The following OPCML variants were observed in gnomAD, a reference collection of about 807,000 sequenced individuals.
OPCML encodes the protein opioid-binding protein/cell adhesion molecule.
OPCML carries 13 observed loss-of-function variants against 37.8 expected under a neutral mutation model. The ratio of observed to expected loss-of-function variants is 0.34; its 90% confidence interval spans 0.22 to 0.55. OPCML has a LOEUF of 0.55. OPCML is among the 20% of genes least tolerant of loss of function. OPCML has a pLI of 0.91. For missense variants in OPCML, 341 were observed against 435.6 expected, an observed-to-expected ratio of 0.78 and a Z score of 1.93; for synonymous variants, 176 against 168.8, an observed-to-expected ratio of 1.04 and a Z score of -0.33.
chr11:133,007,758 C>G, intron 1 of OPCML: 9 of 985,376 alleles, frequency 9.1e-6, no homozygotes, highest in Non-Finnish European at 9.6e-6. Context: ...GGTGAAAAGA[C>G]GCAGGCATAG....
intron 3 of OPCML, among the ~76,000 whole-genome samples, chr11:132,646,676 A>C (rs1190342135): frequency 1.3e-5 from 2 of 152,198 alleles, no homozygotes; most frequent in Non-Finnish European, 2.9e-5. Context: ...AAAGAGAAAA[A>C]GAGTCAAAGC....
intron 3 of OPCML, among the ~76,000 whole-genome samples, chr11:132,584,146 G>T (rs1479306548): frequency 6.6e-6 from 1 of 151,990 alleles, no homozygotes; most frequent in Admixed American, 6.6e-5. Context: ...TGTGGCTAAA[G>T]AACAAAATGA....
intron 1 of OPCML, among the ~76,000 whole-genome samples, chr11:132,957,703 A>T (rs1301653523): frequency 6.6e-6 from 1 of 152,138 alleles, no homozygotes; most frequent in African/African-American, 2.4e-5. Flanking sequence ...ACATTTTGGT[A>T]ACTATTGCAA....
intron 1 of OPCML, among the ~76,000 whole-genome samples, chr11:133,175,330 T>TA (rs1484884312): frequency 1.1e-4 from 16 of 152,120 alleles, no homozygotes; most frequent in African/African-American, 3.6e-4. Flanking sequence ...CCATGAGTAA[T>TA]AACAGTGCCT....
At chr11:133,397,750 T>C (rs1466739607) in intron 1 of OPCML, among the ~76,000 whole-genome samples, 3 of 152,218 alleles carry the variant, frequency 2.0e-5, no homozygotes, top group Admixed American at 1.3e-4. Flanking sequence ...TAGTGTGGGG[T>C]TGCAATTGAC....
chr11:132,845,091 G>T (rs1431219786), intron 2 of OPCML, among the ~76,000 whole-genome samples: 1 of 152,062 alleles, frequency 6.6e-6, no homozygotes, highest in African/African-American at 2.4e-5. Flanking sequence ...TGGGACCAAG[G>T]TATGTGGGGA....
intron 1 of OPCML, among the ~76,000 whole-genome samples, chr11:133,281,163 A>C (rs1942143213): frequency 1.3e-5 from 2 of 152,074 alleles, no homozygotes; most frequent in Non-Finnish European, 2.9e-5. Context: ...AAAGAGACAA[A>C]CCATGGGTCC....
rs2095948188 is a variant in OPCML, at chr11:132,419,018, T to C, written c.*1175A>G. The C allele has an allele frequency of 6.5e-6, 1 of 152,682 alleles. No individual in the cohort carries two copies. The highest frequency in any genetic ancestry group is 2.4e-5 in the African/African-American group (1 of 41,466). 9.5% of individuals were successfully genotyped at this position (152,682 alleles called of 1,614,324 possible). On this transcript the variant is annotated 3_prime_UTR_variant, in exon 8 of 8. Transcript: ENST00000524381. Reference sequence around the variant, plus strand: ...CTTGCTACTTTGGCCTATCTGTTAGTGTCTCCCTTGGGTGGATAGGATACC... The same window carrying C: ...CTTGCTACTTTGGCCTATCTGTTAGCGTCTCCCTTGGGTGGATAGGATACC...
intron 1 of OPCML, among the ~76,000 whole-genome samples, chr11:133,463,800 T>A (rs894550556): frequency 6.6e-6 from 1 of 152,042 alleles, no homozygotes; most frequent in African/African-American, 2.4e-5. Context: ...AATTAAATGA[T>A]CAAATACAAT....
At chr11:133,129,729 C>T (rs1042591745) in intron 1 of OPCML, among the ~76,000 whole-genome samples, 2 of 151,978 alleles carry the variant, frequency 1.3e-5, no homozygotes, top group African/African-American at 2.4e-5. Flanking sequence ...ATAGCAAGAA[C>T]CCATCTCTAC....
At chr11:133,094,361 G>A (rs938649525) in intron 1 of OPCML, among the ~76,000 whole-genome samples, 2 of 152,118 alleles carry the variant, frequency 1.3e-5, no homozygotes, top group African/African-American at 4.8e-5. Context: ...CTAAAAATCT[G>A]TCATACCAGG....
intron 1 of OPCML, among the ~76,000 whole-genome samples, chr11:133,474,960 G>A (rs1357077341): frequency 6.6e-6 from 1 of 152,136 alleles, no homozygotes; most frequent in Non-Finnish European, 1.5e-5. Flanking sequence ...TCCTGCCAAG[G>A]AAGCACATCC....
chr11:132,486,647 TTTCCTTTCTTTCTTTTCTTTTTTTCTTTA>T (rs2096200690), intron 4 of OPCML, among the ~76,000 whole-genome samples: 2 of 152,116 alleles, frequency 1.3e-5, no homozygotes, highest in Non-Finnish European at 2.9e-5. Context: ...CTTTTTTAAT[TTTCCTTTCTTTCTTTTCTTTTTTTCTTTA>T]TTCCTTTCTT....
intron 2 of OPCML, among the ~76,000 whole-genome samples, chr11:132,919,774 A>G (rs757781504): frequency 2.2e-4 from 33 of 152,190 alleles, no homozygotes; most frequent in Non-Finnish European, 4.6e-4. Context: ...GTTCATCTCC[A>G]CCCACAGTGC....
At chr11:133,194,710 C>T (rs1264575811) in intron 1 of OPCML, among the ~76,000 whole-genome samples, 1 of 152,304 alleles carries the variant, frequency 6.6e-6, no homozygotes, top group East Asian at 1.9e-4. Context: ...TTGAAAATTT[C>T]GTATTGCCTA....
At chr11:133,159,270 T>C (rs563498209) in intron 1 of OPCML, among the ~76,000 whole-genome samples, 2 of 152,330 alleles carry the variant, frequency 1.3e-5, no homozygotes, top group Non-Finnish European at 2.9e-5. Context: ...CCCTGGGTTC[T>C]GGCTCCTGTG....
chr11:132,662,001 A>C (rs2135787965), intron 2 of OPCML, among the ~76,000 whole-genome samples: 1 of 152,372 alleles, frequency 6.6e-6, no homozygotes, highest in Admixed American at 6.5e-5. Flanking sequence ...GGAAGAGCAA[A>C]GAAATGCCTG....
At chr11:133,247,597 T>TTCTTTCATCTG in intron 1 of OPCML, among the ~76,000 whole-genome samples, 14 of 143,952 alleles carry the variant, frequency 9.7e-5, no homozygotes, top group Admixed American at 3.5e-4. Context: ...CTGTCTTTCT[T>TTCTTTCATCTG]TCTTTCTTTC....
intron 2 of OPCML, among the ~76,000 whole-genome samples, chr11:132,865,523 G>A (rs900320753): frequency 6.6e-6 from 1 of 152,166 alleles, no homozygotes; most frequent in African/African-American, 2.4e-5. Context: ...CATTTAAACA[G>A]CATCATGTTT....
Sources: allele counts gnomAD v4.1 joint callset (sites outside exome capture counted in the v4.1 genomes callset), GRCh38; gene constraint gnomAD v4.1.1; transcripts MANE v1.5; gene names NCBI Gene and HGNC (gene_info 2026-07-23, HGNC 2026-07-21).